Variants in ADTRP observed in about 807,000 individuals in gnomAD.
ADTRP encodes androgen dependent TFPI regulating protein.
In ADTRP, 20 loss-of-function variants were observed where a neutral mutation model predicts 27.0. The ratio of observed to expected loss-of-function variants is 0.74; its 90% CI spans 0.52 to 1.08. The LOEUF (loss-of-function observed/expected upper bound fraction) is 1.08. Ranked by LOEUF, ADTRP falls within the 50% of genes least tolerant of loss-of-function variation. The pLI is 0.00. For missense variants in ADTRP, 251 were observed against 275.0 expected (o/e 0.91, Z 0.62); for synonymous variants, 101 against 105.2 (o/e 0.96, Z 0.25).
intron 3 of ADTRP, among the ~76,000 whole-genome samples, chr6:11,754,126 G>A (rs770117611): frequency 6.6e-6 from 1 of 152,170 alleles, no homozygotes; most frequent in East Asian, 1.9e-4. Flanking sequence ...TCCCAAATTT[G>A]AGCAGACCTT....
intron 4 of ADTRP, among the ~76,000 whole-genome samples, chr6:11,732,263 A>C (rs1476814936): frequency 1.3e-5 from 2 of 152,322 alleles, no homozygotes; most frequent in Non-Finnish European, 2.9e-5. Context: ...ATGCTTCTCC[A>C]GCTCAGCTTC....
At chr6:11,770,128 T>C (rs774213175) in intron 1 of ADTRP, 1 of 1,521,762 alleles carries the variant, frequency 6.6e-7, no homozygotes. Context: ...TTTCTGAGCG[T>C]AGTTCAGATA....
chr6:11,773,272 A>G (rs1157067512), intron 1 of ADTRP, among the ~76,000 whole-genome samples: 1 of 152,170 alleles, frequency 6.6e-6, no homozygotes, highest in African/African-American at 2.4e-5. Context: ...CCTTTTCTGT[A>G]TGTTTGGTAT....
At chr6:11,751,796 C>T (rs1763064362) in intron 3 of ADTRP, among the ~76,000 whole-genome samples, 1 of 152,180 alleles carries the variant, frequency 6.6e-6, no homozygotes, top group Admixed American at 6.5e-5. Flanking sequence ...TTTATTTTGC[C>T]TCTATTGTAA....
rs376229264 is a variant in ADTRP at position 11,776,645 on chromosome 6, G to T, written c.153+1962C>A. 5.6e-4 allele frequency among the ~76,000 whole-genome samples: 86 copies of T among 152,338 alleles called. 1 individual carries two copies. In the South Asian group the frequency reaches 0.017, roughly 31 times the overall value. On this transcript the variant is annotated intron_variant, in intron 1 of 5. Coordinates refer to ENST00000414691, the MANE Select transcript of ADTRP (RefSeq NM_032744.4). ...AATGTTCTATGAAAGAAGCAATGTGGTGGAGAGAGGTAAGTAGGCCTTTCT... is the reference window on the plus strand; with the variant it reads ...AATGTTCTATGAAAGAAGCAATGTGTTGGAGAGAGGTAAGTAGGCCTTTCT...
In ADTRP at chr6:11,717,604, C is replaced by T. The variant is rs1761875021; in HGVS notation, c.659-3092G>A. Reference sequence around the variant, plus strand: ...GCATTGAAAATTTGAAGAACATTTGCCTAGTTTCAGTGGGCTGACTCAGAA... The same window carrying T: ...GCATTGAAAATTTGAAGAACATTTGTCTAGTTTCAGTGGGCTGACTCAGAA... On this transcript the variant is annotated intron_variant, in intron 5 of 5. Transcript: ENST00000414691. Among the ~76,000 whole-genome samples, 3 of 152,176 alleles carry T rather than the reference C, an allele frequency of 2.0e-5. No homozygotes were observed. The South Asian group carries it at 6.2e-4, about 31-fold the overall frequency.
chr6:11,761,184 G>A (rs1763379707), intron 3 of ADTRP, among the ~76,000 whole-genome samples: 1 of 152,118 alleles, frequency 6.6e-6, no homozygotes, highest in Non-Finnish European at 1.5e-5. Context: ...TAAAATATCA[G>A]CTCATCATAG....
intron 3 of ADTRP, among the ~76,000 whole-genome samples, chr6:11,760,986 A>T (rs1204021594): frequency 6.6e-6 from 1 of 152,194 alleles, no homozygotes; most frequent in African/African-American, 2.4e-5. Context: ...CATGAGGCAT[A>T]ATCTGAACCC....
chr6:11,725,759 C>T (rs548149874), intron 4 of ADTRP, among the ~76,000 whole-genome samples: 60 of 152,022 alleles, frequency 3.9e-4, no homozygotes, highest in African/African-American at 1.4e-3. Context: ...ATTAGCCAGG[C>T]GTGGTGGCAG....
At chr6:11,764,014 C>T (rs1432264949) in intron 3 of ADTRP, among the ~76,000 whole-genome samples, 1 of 152,204 alleles carries the variant, frequency 6.6e-6, no homozygotes, top group East Asian at 1.9e-4. Flanking sequence ...CTTCCTCCTC[C>T]TCTTCTCTCC....
At position 11,723,467 on chromosome 6, in the gene ADTRP, C is replaced by T; in HGVS notation, c.540G>A (p.Trp180Ter). Residue 180 changes from tryptophan (W) to a stop codon, truncating the protein, a stop_gained, in exon 5 of 6, where the codon TGG becomes TGA. Coordinates refer to ENST00000414691, the MANE Select transcript of ADTRP (RefSeq NM_032744.4). LOFTEE classifies it high-confidence loss of function. ...ILWLYFETGTWVYPVFAKLSL... is the reference protein window; with the variant it reads ...ILWLYFETGT Reference sequence around the variant, plus strand: ...TGAGTTTGGCAAACACAGGATACACCCAGGTACCCGTCTCAAAGTAGAGCC... The same window carrying T: ...TGAGTTTGGCAAACACAGGATACACTCAGGTACCCGTCTCAAAGTAGAGCC... 6.2e-7 allele frequency: 1 copy of T among 1,614,060 alleles called. No individual in the cohort carries two copies.
intron 3 of ADTRP, among the ~76,000 whole-genome samples, chr6:11,747,376 A>G (rs2113274807): frequency 6.6e-6 from 1 of 152,350 alleles, no homozygotes; most frequent in African/African-American, 2.4e-5. Flanking sequence ...AATTCAGAAG[A>G]CACAAAAAGC....
At chr6:11,743,099 T>TCA (rs1369017020) in intron 3 of ADTRP, among the ~76,000 whole-genome samples, 1 of 152,230 alleles carries the variant, frequency 6.6e-6, no homozygotes, top group African/African-American at 2.4e-5. Context: ...CATGGGATGC[T>TCA]CACTCTTCTG....
intron 5 of ADTRP, among the ~76,000 whole-genome samples, chr6:11,721,437 T>A (rs1055814533): frequency 3.3e-5 from 5 of 152,208 alleles, no homozygotes; most frequent in African/African-American, 1.2e-4. Context: ...GGGAAATGTG[T>A]TCACATAGGT....
chr6:11,775,825 C>CA (rs1211404411), intron 1 of ADTRP, among the ~76,000 whole-genome samples: 7 of 152,112 alleles, frequency 4.6e-5, no homozygotes, highest in Non-Finnish European at 7.4e-5. Context: ...ACAAAGGGGA[C>CA]AAAAATGATA....
chr6:11,714,653 G>C, intron 5 of ADTRP, 141 bp from the exon 6 acceptor site: 4 of 950,910 alleles, frequency 4.2e-6, no homozygotes, highest in Non-Finnish European at 4.7e-6. Context: ...TGCAGTTTAA[G>C]GAGTTATGAA....
chr6:11,734,100 T>C (rs1171616781), intron 4 of ADTRP, among the ~76,000 whole-genome samples: 1 of 152,312 alleles, frequency 6.6e-6, no homozygotes, highest in East Asian at 1.9e-4. Flanking sequence ...CAAATTCATG[T>C]GTATAATCAG....
chr6:11,715,111 G>T (rs1473470149), intron 5 of ADTRP, among the ~76,000 whole-genome samples: 1 of 152,174 alleles, frequency 6.6e-6, no homozygotes, highest in Non-Finnish European at 1.5e-5. Flanking sequence ...ATAAATCTTT[G>T]TGTAAGCTCT....
chr6:11,727,539 G>A (rs1762248890), intron 4 of ADTRP, among the ~76,000 whole-genome samples: 1 of 152,152 alleles, frequency 6.6e-6, no homozygotes, highest in Non-Finnish European at 1.5e-5. Flanking sequence ...TTATATAGTT[G>A]AAATTAGGGC....
Sources: gnomAD v4.1 joint callset for allele counts (sites outside exome capture counted in the v4.1 genomes callset) on GRCh38, gnomAD v4.1.1 for gene constraint, MANE v1.5 for transcripts, NCBI Gene and HGNC (gene_info 2026-07-23, HGNC 2026-07-21) for gene names.